The following NRG3 variants were observed in gnomAD, a reference collection of about 807,000 sequenced individuals.
NRG3 encodes neuregulin 3, also known as pro-neuregulin-3, membrane-bound isoform.
NRG3 carries 31 observed loss-of-function variants against 66.9 expected under a neutral mutation model. The ratio of observed to expected loss-of-function variants is 0.46; its 90% CI spans 0.35 to 0.63. The LOEUF (loss-of-function observed/expected upper bound fraction) is 0.63. NRG3 is among the 20% of genes least tolerant of loss of function. The pLI is 0.00. For synonymous variants in NRG3, 393 were observed against 359.4 expected, an observed-to-expected ratio of 1.09 and a Z score of -1.06; for missense variants, 910 against 878.9, an observed-to-expected ratio of 1.04 and a Z score of -0.45.
chr10:82,569,324 A>G lies in NRG3; in HGVS notation c.954-169253A>G, dbSNP rs987668293. 2.0e-5 allele frequency among the ~76,000 whole-genome samples: 3 copies of G among 151,722 alleles called. 1 individual carries two copies. The East Asian group carries it at 5.8e-4, about 29-fold the overall frequency. On this transcript the variant is annotated intron_variant, in intron 2 of 8. Transcript: ENST00000372141. ...TCTGGATTTTATTTGCACCCCAGTT[A>G]CTAACTAGCAGTATTACCTAGAACA...
intron 2 of NRG3, among the ~76,000 whole-genome samples, chr10:82,491,316 A>ATATATATATATATAC (rs1389375279): frequency 7.3e-6 from 1 of 136,818 alleles, no homozygotes; most frequent in Admixed American, 7.5e-5. Flanking sequence ...ATATATATAT[A>ATATATATATATATAC]AAATAAAGAT....
chr10:81,897,016 T>G, intron 1 of NRG3, among the ~76,000 whole-genome samples: 1 of 152,110 alleles, frequency 6.6e-6, no homozygotes, highest in East Asian at 1.9e-4. Context: ...AAGTTTGAAT[T>G]TATATAGGTG....
intron 1 of NRG3, among the ~76,000 whole-genome samples, chr10:82,058,276 T>TA (rs1403767762): frequency 6.6e-6 from 1 of 152,026 alleles, no homozygotes; most frequent in Non-Finnish European, 1.5e-5. Flanking sequence ...TTAACTTTGA[T>TA]AAAAGTGCTG....
intron 1 of NRG3, among the ~76,000 whole-genome samples, chr10:82,125,115 A>G (rs944522100): frequency 6.6e-6 from 1 of 152,006 alleles, no homozygotes; most frequent in African/African-American, 2.4e-5. Flanking sequence ...AAGAAATATT[A>G]CCATGGGCTT....
At chr10:82,102,086 G>A (rs1475697213) in intron 1 of NRG3, among the ~76,000 whole-genome samples, 2 of 116,536 alleles carry the variant, frequency 1.7e-5, no homozygotes, top group African/African-American at 6.6e-5. Flanking sequence ...ATATATATAT[G>A]TGTATTCATA....
At chr10:82,548,634 C>T (rs142987536) in intron 2 of NRG3, among the ~76,000 whole-genome samples, 2 of 150,968 alleles carry the variant, frequency 1.3e-5, no homozygotes, top group African/African-American at 4.9e-5. Context: ...AAAAACAGAA[C>T]CAAATAGATG....
intron 2 of NRG3, among the ~76,000 whole-genome samples, chr10:82,375,317 C>A (rs1266617824): frequency 6.6e-6 from 1 of 152,082 alleles, no homozygotes; most frequent in African/African-American, 2.4e-5. Context: ...GCGGGCGGAT[C>A]ACGAGGTCAG....
At chr10:81,941,006 T>A (rs1848358769) in intron 1 of NRG3, among the ~76,000 whole-genome samples, 1 of 152,144 alleles carries the variant, frequency 6.6e-6, no homozygotes, top group Non-Finnish European at 1.5e-5. Context: ...CTTACCTTAT[T>A]GTGTGTTCTC....
chr10:82,853,047 G>C (rs760603153), intron 3 of NRG3, among the ~76,000 whole-genome samples: 2 of 152,110 alleles, frequency 1.3e-5, no homozygotes, highest in Non-Finnish European at 2.9e-5. Context: ...TTAGAATAGG[G>C]TAAGGCAGGA....
intron 1 of NRG3, among the ~76,000 whole-genome samples, chr10:81,905,906 T>G (rs376780499): frequency 2.6e-4 from 39 of 152,362 alleles, no homozygotes; most frequent in Middle Eastern, 3.4e-3. Flanking sequence ...GAAGCAGCAC[T>G]GTACAAATGT....
At chr10:82,619,707 G>A (rs914261359) in intron 2 of NRG3, among the ~76,000 whole-genome samples, 1 of 152,166 alleles carries the variant, frequency 6.6e-6, no homozygotes, top group African/African-American at 2.4e-5. Context: ...GAGGTTATGA[G>A]GGTGAGCCCT....
intron 4 of NRG3, among the ~76,000 whole-genome samples, chr10:82,950,269 A>G (rs1012862506): frequency 6.6e-6 from 1 of 152,210 alleles, no homozygotes; most frequent in African/African-American, 2.4e-5. Context: ...TGTGTTAAAT[A>G]GTGGGAAATT....
At chr10:82,899,252 G>T (rs1591876971) in intron 4 of NRG3, among the ~76,000 whole-genome samples, 1 of 152,032 alleles carries the variant, frequency 6.6e-6, no homozygotes, top group Non-Finnish European at 1.5e-5. Flanking sequence ...TGTATGATTT[G>T]GTGGGGCTCT....
intron 1 of NRG3, among the ~76,000 whole-genome samples, chr10:82,135,388 T>C (rs1488337391): frequency 6.6e-6 from 1 of 152,140 alleles, no homozygotes; most frequent in Non-Finnish European, 1.5e-5. Flanking sequence ...TTTCTCTAGA[T>C]TTTGAAAGCT....
At chr10:82,304,079 T>C (rs2080573005) in intron 1 of NRG3, among the ~76,000 whole-genome samples, 1 of 152,088 alleles carries the variant, frequency 6.6e-6, no homozygotes, top group African/African-American at 2.4e-5. Context: ...TTTTATTAGA[T>C]AGTGCCAAAT....
intron 1 of NRG3, chr10:82,166,821 A>C: frequency 1.5e-6 from 1 of 670,692 alleles, no homozygotes; most frequent in Non-Finnish European, 2.7e-6. Flanking sequence ...AATTCATACA[A>C]ATTTTGTAAG....
At chr10:82,175,778 A>G (rs1270366721) in intron 1 of NRG3, among the ~76,000 whole-genome samples, 2 of 152,182 alleles carry the variant, frequency 1.3e-5, no homozygotes, top group Non-Finnish European at 2.9e-5. Flanking sequence ...GCATAGAATT[A>G]TTGGCTAAGT....
At chr10:82,734,422 A>G (rs1464914005) in intron 2 of NRG3, among the ~76,000 whole-genome samples, 1 of 152,178 alleles carries the variant, frequency 6.6e-6, no homozygotes, top group Admixed American at 6.5e-5. Flanking sequence ...GTAGAAAACT[A>G]ATAGAATATC....
chr10:82,835,492 C>G (rs2062729000), intron 3 of NRG3, among the ~76,000 whole-genome samples: 1 of 152,084 alleles, frequency 6.6e-6, no homozygotes, highest in African/African-American at 2.4e-5. Flanking sequence ...AAAGAGATGA[C>G]CCAGAATCAG....
Sources: gnomAD v4.1 joint callset for allele counts (sites outside exome capture counted in the v4.1 genomes callset) on GRCh38, gnomAD v4.1.1 for gene constraint, MANE v1.5 for transcripts, NCBI Gene and HGNC (gene_info 2026-07-23, HGNC 2026-07-21) for gene names.